Variants in VMP1 observed in about 807,000 individuals in gnomAD.
VMP1 encodes the protein vacuole membrane protein 1.
A neutral mutation model predicts 56.0 loss-of-function variants in VMP1; 11 were observed. The observed-to-expected ratio is 0.20, with a 90% confidence interval of 0.12 to 0.32. The LOEUF (loss-of-function observed/expected upper bound fraction) is 0.32, where lower values mean the gene tolerates loss of function less well. Among genes scored for constraint, VMP1 ranks in the 10% least tolerant of loss-of-function variants. VMP1 has a pLI of 1.00. For synonymous variants in VMP1, 149 were observed against 165.0 expected (o/e 0.90, Z 0.74); for missense variants, 296 against 490.3 (o/e 0.60, Z 3.74).
chr17:59,820,930 A>G (rs2038419280), intron 10 of VMP1, among the ~76,000 whole-genome samples: 2 of 151,636 alleles, frequency 1.3e-5, no homozygotes, highest in Admixed American at 1.3e-4. Context: ...GCTTAGGCCA[A>G]TGTGGTTAAG....
At chr17:59,716,987 TA>T (rs1252593468) in intron 1 of VMP1, among the ~76,000 whole-genome samples, 6 of 152,088 alleles carry the variant, frequency 3.9e-5, no homozygotes, top group Non-Finnish European at 8.8e-5. Flanking sequence ...TATTTTTTTT[TA>T]TTTTTTTTTG....
intron 10 of VMP1, among the ~76,000 whole-genome samples, chr17:59,821,539 C>CTTTTTTTTTTTTTTTTTTT: frequency 9.5e-6 from 1 of 104,722 alleles, no homozygotes; most frequent in Non-Finnish European, 1.9e-5. Context: ...AGCTACTTTT[C>CTTTTTTTTTTTTTTTTTTT]TTTTTTTTTT....
chr17:59,728,835 T>C (rs1489218104), intron 1 of VMP1, among the ~76,000 whole-genome samples: 1 of 152,194 alleles, frequency 6.6e-6, no homozygotes, highest in African/African-American at 2.4e-5. Context: ...ACATATCATA[T>C]AATTCACCCA....
At chr17:59,801,392 TG>T (rs1297603452) in intron 7 of VMP1, among the ~76,000 whole-genome samples, 1 of 149,986 alleles carries the variant, frequency 6.7e-6, no homozygotes, top group African/African-American at 2.4e-5. Context: ...AACACAGACT[TG>T]CATCACCACA....
At chr17:59,801,849 C>T (rs1201349034) in intron 7 of VMP1, among the ~76,000 whole-genome samples, 1 of 151,948 alleles carries the variant, frequency 6.6e-6, no homozygotes, top group East Asian at 1.9e-4. Context: ...CGTCTTTGCA[C>T]TCTAGCCTGG....
intron 7 of VMP1, among the ~76,000 whole-genome samples, chr17:59,791,230 C>T (rs2037215814): frequency 6.7e-6 from 1 of 149,844 alleles, no homozygotes; most frequent in Non-Finnish European, 1.5e-5. Flanking sequence ...CTCTTGTTGC[C>T]CAGGCTGGAG....
At chr17:59,817,531 T>C (rs866582067) in intron 9 of VMP1, among the ~76,000 whole-genome samples, 181 bp from the exon 10 acceptor site, 9 of 151,776 alleles carry the variant, frequency 5.9e-5, no homozygotes, top group Admixed American at 1.3e-4. Flanking sequence ...TTTGTATTTT[T>C]AGTAGAGACG....
intron 7 of VMP1, among the ~76,000 whole-genome samples, chr17:59,777,163 TTC>T (rs1346422069): frequency 6.6e-6 from 1 of 152,202 alleles, no homozygotes; most frequent in African/African-American, 2.4e-5. Context: ...GCACAGTTGC[TTC>T]TGTCTTGGTT....
chr17:59,785,641 G>A (rs1420372411), intron 7 of VMP1, among the ~76,000 whole-genome samples: 1 of 140,274 alleles, frequency 7.1e-6, no homozygotes, highest in Admixed American at 7.8e-5. Flanking sequence ...AGTGAGCTGA[G>A]ATCACACCAC....
At chr17:59,775,362 C>T (rs959121699) in intron 7 of VMP1, among the ~76,000 whole-genome samples, 5 of 152,146 alleles carry the variant, frequency 3.3e-5, no homozygotes, top group African/African-American at 1.2e-4. Flanking sequence ...TTGCAGTGAG[C>T]CCTGATTGTG....
At chr17:59,823,820 T>C (rs1188588289) in intron 10 of VMP1, among the ~76,000 whole-genome samples, 3 of 151,866 alleles carry the variant, frequency 2.0e-5, no homozygotes, top group Non-Finnish European at 4.4e-5. Context: ...AATGCAGTCT[T>C]TTGAAGGATA....
chr17:59,765,337 A>G (rs149738889), intron 6 of VMP1, among the ~76,000 whole-genome samples, 199 bp downstream of exon 6: 35 of 152,336 alleles, frequency 2.3e-4, no homozygotes, highest in African/African-American at 7.0e-4. Flanking sequence ...GGCATGAACC[A>G]TATGTATCAC....
intron 7 of VMP1, among the ~76,000 whole-genome samples, chr17:59,796,420 A>G (rs1273909082): frequency 6.6e-6 from 1 of 152,224 alleles, no homozygotes; most frequent in Non-Finnish European, 1.5e-5. Context: ...TACGGAATGA[A>G]TGTATGAACG....
intron 7 of VMP1, among the ~76,000 whole-genome samples, chr17:59,801,112 AT>A (rs2037640529): frequency 9.1e-6 from 1 of 110,326 alleles, no homozygotes; most frequent in Non-Finnish European, 1.7e-5. Context: ...ATATATATAT[AT>A]GTGTGTGTGT....
intron 6 of VMP1, among the ~76,000 whole-genome samples, chr17:59,767,181 C>T (rs2036263549): frequency 6.6e-6 from 1 of 151,512 alleles, no homozygotes; most frequent in Non-Finnish European, 1.5e-5. Context: ...TTCCCACTAA[C>T]AATTTCTTAG....
At chr17:59,763,911 A>G (rs1488046909) in intron 5 of VMP1, among the ~76,000 whole-genome samples, 1 of 152,216 alleles carries the variant, frequency 6.6e-6, no homozygotes, top group Non-Finnish European at 1.5e-5. Flanking sequence ...TTATCTTCAT[A>G]ATAGCTGATG....
chr17:59,821,095 C>G (rs193232819), intron 10 of VMP1, among the ~76,000 whole-genome samples: 3 of 151,650 alleles, frequency 2.0e-5, no homozygotes, highest in Non-Finnish European at 4.4e-5. Flanking sequence ...CTCAGCCCCC[C>G]GAGTAGCTGG....
chr17:59,751,328 G>T (rs1217227358), intron 5 of VMP1, among the ~76,000 whole-genome samples: 1 of 152,032 alleles, frequency 6.6e-6, no homozygotes, highest in Non-Finnish European at 1.5e-5. Flanking sequence ...CTCATGTAGC[G>T]GAAATTATAT....
At position 59,840,033 on chromosome 17, in the gene VMP1, C is replaced by T. The variant is rs2039110829; in HGVS notation, c.*122C>T. ...TGTATCAATTTTTACAACTTTTTTC[C>T]TGAAAGCAGTTTAGTCCATACTTTG... On this transcript the variant is annotated 3_prime_UTR_variant, in exon 12 of 12. Coordinates refer to ENST00000262291, the MANE Select transcript of VMP1 (RefSeq NM_030938.5). 11 of 1,362,800 alleles carry T rather than the reference C, an allele frequency of 8.1e-6. No individual in the cohort carries two copies. The East Asian group carries it at 2.2e-4, about 27-fold the overall frequency. The allele number at this position is 1,362,800 out of a possible 1,614,324, so 84.4% of individuals were successfully genotyped here. A position where few individuals can be genotyped will look rare whatever the true frequency, so the allele number is the denominator to read the frequency against.
Sources: allele counts gnomAD v4.1 joint callset (sites outside exome capture counted in the v4.1 genomes callset), GRCh38; gene constraint gnomAD v4.1.1; transcripts MANE v1.5; gene names NCBI Gene and HGNC (gene_info 2026-07-23, HGNC 2026-07-21).